The following TCF12 variants were observed in gnomAD, a reference collection of about 807,000 sequenced individuals.
TCF12 encodes DNA-binding protein HTF4.
TCF12 carries 45 observed loss-of-function variants against 86.0 expected under a neutral mutation model. The observed-to-expected ratio is 0.52, with a 90% CI of 0.41 to 0.67. The LOEUF (loss-of-function observed/expected upper bound fraction) is 0.67. Among genes scored for constraint, TCF12 ranks in the 30% least tolerant of loss-of-function variants. The pLI is 0.00. For missense variants in TCF12, 881 were observed against 859.9 expected (o/e 1.02, Z -0.31); for synonymous variants, 330 against 299.6 (o/e 1.10, Z -1.05).
intron 4 of TCF12, among the ~76,000 whole-genome samples, chr15:57,064,944 G>A (rs778860833): frequency 1.1e-4 from 16 of 152,074 alleles, no homozygotes; most frequent in Non-Finnish European, 2.2e-4. Context: ...GAAGCAAATT[G>A]CCTTAATGGG....
chr15:56,991,911 A>C (rs1194416050), intron 3 of TCF12, among the ~76,000 whole-genome samples: 1 of 152,146 alleles, frequency 6.6e-6, no homozygotes, highest in Admixed American at 6.5e-5. Flanking sequence ...TTTTAAGTTT[A>C]TTATGGAGAT....
chr15:56,978,471 TA>T (rs1186228941), intron 3 of TCF12, among the ~76,000 whole-genome samples: 2 of 152,116 alleles, frequency 1.3e-5, no homozygotes, highest in African/African-American at 4.8e-5. Flanking sequence ...ATTCCACTAA[TA>T]GAGAGTTACC....
At chr15:57,105,363 T>C (rs2050070114) in intron 5 of TCF12, among the ~76,000 whole-genome samples, 2 of 152,208 alleles carry the variant, frequency 1.3e-5, no homozygotes, top group Non-Finnish European at 2.9e-5. Context: ...TTTAAACCTT[T>C]GTGTGTGCCT....
chr15:57,042,847 G>A (rs560097047), intron 3 of TCF12, among the ~76,000 whole-genome samples: 9 of 152,240 alleles, frequency 5.9e-5, no homozygotes, highest in African/African-American at 1.7e-4. Context: ...TGTGCACATT[G>A]TTTTACAGCA....
intron 18 of TCF12, among the ~76,000 whole-genome samples, chr15:57,267,317 A>T (rs2060915831): frequency 6.6e-6 from 1 of 152,194 alleles, no homozygotes; most frequent in Admixed American, 6.5e-5. Context: ...GAAAAAGGAA[A>T]TCTTAAGATC....
At chr15:56,982,827 A>G (rs116150859) in intron 3 of TCF12, among the ~76,000 whole-genome samples, 1,761 of 152,324 alleles carry the variant, frequency 0.012, 30 homozygotes, top group African/African-American at 0.04. Context: ...GAAGTCATTT[A>G]TAGTCTGTCT....
chr15:57,001,742 A>G (rs16977181), intron 3 of TCF12, among the ~76,000 whole-genome samples: 6,309 of 152,222 alleles, frequency 0.041, 369 homozygotes, highest in African/African-American at 0.13. Flanking sequence ...TTGATGCTAT[A>G]TATCATCACA....
At chr15:56,932,671 C>A (rs1227871084) in intron 3 of TCF12, among the ~76,000 whole-genome samples, 2 of 151,908 alleles carry the variant, frequency 1.3e-5, no homozygotes, top group African/African-American at 4.8e-5. Flanking sequence ...CGGGTTCAAG[C>A]GATTTTTGTG....
intron 3 of TCF12, among the ~76,000 whole-genome samples, chr15:57,009,594 G>C (rs1440427735): frequency 6.6e-6 from 1 of 152,138 alleles, no homozygotes; most frequent in Non-Finnish European, 1.5e-5. Context: ...CTTCTTTACT[G>C]TTTGTATGTG....
At chr15:56,931,516 A>G (rs1354683857) in intron 3 of TCF12, among the ~76,000 whole-genome samples, 1 of 152,214 alleles carries the variant, frequency 6.6e-6, no homozygotes, top group African/African-American at 2.4e-5. Flanking sequence ...GCAAACAGTT[A>G]AGAAAATCCT....
chr15:57,045,995 C>T (rs1478924116), intron 3 of TCF12, among the ~76,000 whole-genome samples: 2 of 152,206 alleles, frequency 1.3e-5, no homozygotes, highest in African/African-American at 2.4e-5. Context: ...GACTGCCTTC[C>T]ACGATTTTCT....
chr15:57,028,635 A>G (rs2141322979), intron 3 of TCF12, among the ~76,000 whole-genome samples: 1 of 152,152 alleles, frequency 6.6e-6, no homozygotes, highest in African/African-American at 2.4e-5. Flanking sequence ...TAGCCTTTTC[A>G]TTGTCTGAAT....
At chr15:57,246,920 C>T (rs1261962803) in intron 13 of TCF12, 5 of 509,796 alleles carry the variant, frequency 9.8e-6, no homozygotes, top group African/African-American at 7.8e-5. Flanking sequence ...ACTCCTCGTT[C>T]TCTCTCCTGC....
rs1206680975 is a variant in TCF12, at chr15:57,091,821, C to G, written c.255C>G (p.His85Gln). The G allele has an allele frequency of 6.2e-7, 1 of 1,613,738 alleles. No individual in the cohort carries two copies. The highest frequency in any genetic ancestry group is 1.3e-5 in the African/African-American group (1 of 74,908). ...CAGACAGCCCTCATTACAGTGATCA[C>G]TTGAATGACAGTCGATTAGGAGCCC... ...GFTDSPHYSDHLNDSRLGAHE... is the reference protein window; with the variant it reads ...GFTDSPHYSDQLNDSRLGAHE... Residue 85 changes from histidine to glutamine, a missense_variant, in exon 5 of 21, where the codon CAC becomes CAG. Physicochemically the swap from His to Gln is conservative, Grantham distance 24. Coordinates refer to ENST00000333725, the MANE Select transcript of TCF12 (RefSeq NM_207037.2).
At chr15:57,177,513 C>T (rs1416244879) in intron 6 of TCF12, among the ~76,000 whole-genome samples, 1 of 151,384 alleles carries the variant, frequency 6.6e-6, no homozygotes, top group African/African-American at 2.4e-5. Context: ...TCAGGTGATC[C>T]ACCTGACTCA....
At chr15:57,068,942 GTTA>G (rs2069137344) in intron 4 of TCF12, among the ~76,000 whole-genome samples, 1 of 152,030 alleles carries the variant, frequency 6.6e-6, no homozygotes, top group African/African-American at 2.4e-5. Flanking sequence ...CTATTATATT[GTTA>G]TTTATAATAA....
intron 5 of TCF12, among the ~76,000 whole-genome samples, chr15:57,148,413 A>T (rs573256640): frequency 0.018 from 2,636 of 147,776 alleles, 70 homozygotes; most frequent in African/African-American, 0.064. Context: ...ACTTTGTTTA[A>T]AAAAAAAAAA....
chr15:57,188,585 T>C (rs1269713049), intron 6 of TCF12, among the ~76,000 whole-genome samples: 1 of 152,176 alleles, frequency 6.6e-6, no homozygotes, highest in South Asian at 2.1e-4. Context: ...AAGCTACAGT[T>C]ATTAAAACAT....
chr15:57,260,285 G>A (rs2060529910), intron 16 of TCF12, among the ~76,000 whole-genome samples: 1 of 151,872 alleles, frequency 6.6e-6, no homozygotes, highest in South Asian at 2.1e-4. Context: ...TTTAATAGTT[G>A]AGCTTTAAAA....
Sources: allele counts gnomAD v4.1 joint callset (sites outside exome capture counted in the v4.1 genomes callset), GRCh38; gene constraint gnomAD v4.1.1; transcripts MANE v1.5; gene names NCBI Gene and HGNC (gene_info 2026-07-23, HGNC 2026-07-21).